The following CLIC5 variants were observed in gnomAD, a reference collection of about 807,000 sequenced individuals.
CLIC5 encodes CLIC family member 5, also known as chloride intracellular channel protein 5.
Under a neutral mutation model 24.7 loss-of-function variants are expected in CLIC5, and 20 were observed. The ratio of observed to expected loss-of-function variants is 0.81; its 90% CI spans 0.57 to 1.18. CLIC5 has a LOEUF of 1.18. Ranked by LOEUF, CLIC5 falls within the 50% of genes most tolerant of loss-of-function variation. CLIC5 has a pLI of 0.00. For missense variants in CLIC5, 341 were observed against 326.1 expected (o/e 1.05, Z -0.35); for synonymous variants, 159 against 135.6 (o/e 1.17, Z -1.20).
chr6:45,918,594 A>G (rs559085716), intron 4 of CLIC5, among the ~76,000 whole-genome samples: 1 of 152,356 alleles, frequency 6.6e-6, no homozygotes, highest in South Asian at 2.1e-4. Flanking sequence ...AACTTCTCAT[A>G]TATGGTTTTT....
rs375658413 is a variant in CLIC5, at chr6:45,899,641, A to T, written c.*3447T>A. On this transcript the variant is annotated 3_prime_UTR_variant, in exon 6 of 6. Coordinates refer to ENST00000339561, the MANE Select transcript of CLIC5 (RefSeq NM_016929.5). ...TTTCAGGCATGACCTATCTTATGAC[A>T]GTTCTAAGATGCTTGGTATTGTCTG... The T allele has an allele frequency of 6.6e-6, 1 of 152,268 alleles. No homozygotes were observed. Among genetic ancestry groups the T allele is most frequent in the African/African-American group, 2.4e-5 (1 of 41,466 alleles). 9.4% of individuals were successfully genotyped at this position (152,268 alleles called of 1,614,324 possible).
chr6:45,904,007 CA>C (rs1762581191), intron 5 of CLIC5, among the ~76,000 whole-genome samples: 2 of 152,110 alleles, frequency 1.3e-5, no homozygotes, highest in Admixed American at 1.3e-4. Flanking sequence ...TTGCCACAGT[CA>C]GGGGGGATGT....
At chr6:46,052,004 A>T (rs1239699280) in intron 1 of CLIC5, among the ~76,000 whole-genome samples, 1 of 152,222 alleles carries the variant, frequency 6.6e-6, no homozygotes, top group Non-Finnish European at 1.5e-5. Context: ...TTGCACCTGC[A>T]TTCAGCAAAC....
chr6:45,903,386 G>T, intron 5 of CLIC5, 131 bp from the exon 6 acceptor site: 1 of 633,226 alleles, frequency 1.6e-6, no homozygotes, highest in Non-Finnish European at 2.5e-6. Context: ...TCAGTGATAT[G>T]TTTGAAATGC....
At chr6:46,017,278 G>GT (rs1767044624), upstream of CLIC5, among the ~76,000 whole-genome samples, 1 of 152,062 alleles carries the variant, frequency 6.6e-6, no homozygotes, top group Admixed American at 6.6e-5. Flanking sequence ...CTAAAAACAT[G>GT]TATTTGTTTA....
intron 1 of CLIC5, among the ~76,000 whole-genome samples, chr6:46,002,043 G>A (rs1310758491): frequency 6.6e-6 from 1 of 152,074 alleles, no homozygotes; most frequent in Non-Finnish European, 1.5e-5. Context: ...ATCAGCAGCA[G>A]CTTTATTCTC....
chr6:45,979,124 T>C (rs1202633851), intron 1 of CLIC5, among the ~76,000 whole-genome samples: 1 of 152,142 alleles, frequency 6.6e-6, no homozygotes, highest in Non-Finnish European at 1.5e-5. Context: ...GGATATAACC[T>C]TGGACAAGTC....
downstream of CLIC5, among the ~76,000 whole-genome samples, chr6:45,893,560 C>G (rs1306230942): frequency 1.3e-5 from 2 of 152,124 alleles, no homozygotes; most frequent in Non-Finnish European, 2.9e-5. Context: ...CAGGGCCTGC[C>G]AGCTCTCTAG....
At chr6:45,947,194 T>C (rs11757345) in intron 3 of CLIC5, among the ~76,000 whole-genome samples, 132,036 of 152,258 alleles carry the variant, frequency 0.87, 57,717 homozygotes, top group Non-Finnish European at 0.9. Context: ...GTGATCTCTG[T>C]CCACCTTGTG....
At chr6:46,113,514 C>T in the CLIC5 span, among the ~76,000 whole-genome samples, 2 of 152,118 alleles carry the variant, frequency 1.3e-5, no homozygotes, top group African/African-American at 4.8e-5. Flanking sequence ...CAGGTTCTGT[C>T]AGTAGGCAGG....
the CLIC5 span, among the ~76,000 whole-genome samples, chr6:46,114,988 C>T: frequency 6.6e-6 from 1 of 152,168 alleles, no homozygotes; most frequent in East Asian, 1.9e-4. Context: ...GATATCTAAG[C>T]ACTGACGATG....
At chr6:46,063,381 A>G (rs555541681) in intron 1 of CLIC5, among the ~76,000 whole-genome samples, 2 of 152,344 alleles carry the variant, frequency 1.3e-5, no homozygotes, top group African/African-American at 4.8e-5. Context: ...CAACAGACAA[A>G]GTATATGAAA....
chr6:46,110,566 A>T, the CLIC5 span, among the ~76,000 whole-genome samples: 1 of 152,156 alleles, frequency 6.6e-6, no homozygotes, highest in African/African-American at 2.4e-5. Flanking sequence ...GACTGCTTTG[A>T]GATTGGAAAG....
intron 4 of CLIC5, among the ~76,000 whole-genome samples, chr6:45,915,227 C>T (rs1762982957): frequency 6.6e-6 from 1 of 152,002 alleles, no homozygotes; most frequent in Admixed American, 6.5e-5. Context: ...CATGCCTGGC[C>T]AATACTAGCC....
At position 45,902,643 on chromosome 6, in the gene CLIC5, T is replaced by G. The variant is rs1258497794; in HGVS notation, c.*445A>C. On this transcript the variant is annotated 3_prime_UTR_variant, in exon 6 of 6. Coordinates refer to ENST00000339561, the MANE Select transcript of CLIC5 (RefSeq NM_016929.5). ...CTCTCTGTCTCCCCTAATGGGGTAA[T>G]AGATCTCTTTCTAAGAAGGATGAAG... 5.9e-6 allele frequency: 1 copy of G among 170,292 alleles called. No homozygotes were observed. Among genetic ancestry groups the G allele is most frequent in the African/African-American group, 2.4e-5 (1 of 41,582 alleles). The allele number at this position is 170,292 out of a possible 1,614,324, so 10.5% of individuals were successfully genotyped here.
chr6:46,083,388 T>G (rs1762964261), upstream of CLIC5, among the ~76,000 whole-genome samples: 1 of 152,248 alleles, frequency 6.6e-6, no homozygotes, highest in Admixed American at 6.5e-5. Flanking sequence ...TTTGGATCTT[T>G]CCTGCTTTCT....
the CLIC5 span, among the ~76,000 whole-genome samples, chr6:46,105,112 G>A: frequency 5.9e-5 from 9 of 152,284 alleles, no homozygotes; most frequent in East Asian, 5.8e-4. Flanking sequence ...CAGCTGAGAC[G>A]CTGAGACCTT....
chr6:46,129,003 C>G, the CLIC5 span, among the ~76,000 whole-genome samples: 7 of 152,216 alleles, frequency 4.6e-5, no homozygotes, highest in Non-Finnish European at 1.5e-5. Context: ...AGGTCCAGTA[C>G]TGCAGTTTAC....
intron 1 of CLIC5, among the ~76,000 whole-genome samples, chr6:46,063,657 A>G (rs1294730589): frequency 1.3e-5 from 2 of 152,224 alleles, no homozygotes; most frequent in Non-Finnish European, 2.9e-5. Context: ...GTATGGGGAA[A>G]GAACTAGAGA....
Sources: allele counts gnomAD v4.1 joint callset (sites outside exome capture counted in the v4.1 genomes callset), GRCh38; gene constraint gnomAD v4.1.1; transcripts MANE v1.5; gene names NCBI Gene and HGNC (gene_info 2026-07-23, HGNC 2026-07-21).